Variants in MYG1 observed in about 807,000 individuals in gnomAD.
MYG1 encodes the protein UPF0160 protein MYG1, mitochondrial.
A neutral mutation model predicts 43.5 loss-of-function variants in MYG1; 36 were observed. That is an observed-to-expected ratio of 0.83 (90% confidence interval 0.63 to 1.09). The LOEUF (loss-of-function observed/expected upper bound fraction) is 1.09. Among genes scored for constraint, MYG1 ranks in the 50% least tolerant of loss-of-function variants. The pLI is 0.00. For missense variants in MYG1, 529 were observed against 495.1 expected, an observed-to-expected ratio of 1.07 and a Z score of -0.65; for synonymous variants, 220 against 202.8, an observed-to-expected ratio of 1.08 and a Z score of -0.72.
In MYG1 at chr12:53,306,686, C is replaced by G. The variant is rs752835297; in HGVS notation, c.772C>G (p.Pro258Ala). 6.2e-7 allele frequency: 1 copy of G among 1,612,494 alleles called. No homozygotes were observed. The highest frequency in any genetic ancestry group is 8.5e-7 in the Non-Finnish European group (1 of 1,179,176). ...TATGCTCTCCCTCTTTCAGGTGGACCCAAGTGGAGAGATTGTGGAACTGGC... is the reference window on the plus strand; with the variant it reads ...TATGCTCTCCCTCTTTCAGGTGGACGCAAGTGGAGAGATTGTGGAACTGGC... ...EALAQRFQVD[P>A]SGEIVELAKG... Residue 258 changes from proline (P) to alanine (A), a missense_variant, in exon 6 of 7, where the codon CCA (proline) becomes GCA (alanine). Coordinates refer to ENST00000267103, the MANE Select transcript of MYG1 (RefSeq NM_021640.4).
rs139121033 is a variant in MYG1, at chr12:53,306,803, C to T, written c.889C>T (p.Gln297Ter). The T allele has an allele frequency of 1.7e-5, 28 of 1,614,198 alleles. No homozygotes were observed. The Admixed American group carries it at 3.7e-4, about 21-fold the overall frequency. Residue 297 changes from glutamine (Q) to a stop codon, truncating the protein, a stop_gained, in exon 6 of 7, where the codon CAG (glutamine) becomes TAG (stop). Coordinates refer to ENST00000267103, the MANE Select transcript of MYG1 (RefSeq NM_021640.4). LOFTEE classifies it high-confidence loss of function. ...VAIFFVIYTD[Q>*]AGQWRIQCVP... ...CATCTTCTTTGTTATCTACACTGAC[C>T]AGGCTGGACAGTGGCGAATACAGTG... is the stretch of plus-strand genomic sequence containing the variant.
At position 53,299,969 on chromosome 12, in the gene MYG1, AG is replaced by A; in HGVS notation, c.216+17del. 1 of 1,613,850 alleles carries A rather than the reference AG, an allele frequency of 6.2e-7. No individual in the cohort carries two copies. Among genetic ancestry groups the A allele is most frequent in the East Asian group, 2.2e-5 (1 of 44,864 alleles). On this transcript the variant is annotated intron_variant, in intron 1 of 6. Transcript: ENST00000267103. Reference sequence around the variant, plus strand: ...GGAGTACCGGGTACGGTCCGCGAAAAGTGACCCTGGGACTGCGTGCATGCAT... The same window carrying A: ...GGAGTACCGGGTACGGTCCGCGAAAATGACCCTGGGACTGCGTGCATGCAT...
At chr12:53,305,535 A>G (rs971447009) in intron 3 of MYG1, among the ~76,000 whole-genome samples, 1 of 151,468 alleles carries the variant, frequency 6.6e-6, no homozygotes. Context: ...CTGAATACCT[A>G]CTCACCCCAC....
In MYG1 at chr12:53,306,799, T is replaced by G; in HGVS notation, c.885T>G (p.Thr295=). 6.2e-7 allele frequency: 1 copy of G among 1,614,224 alleles called. No individual in the cohort carries two copies. Among genetic ancestry groups the G allele is most frequent in the African/African-American group, 1.3e-5 (1 of 75,048 alleles). The part of the protein sequence containing the change: ...PPVAIFFVIY[T]DQAGQWRIQC... ...TGGCCATCTTCTTTGTTATCTACAC[T>G]GACCAGGCTGGACAGTGGCGAATAC... Residue 295 remains threonine, a synonymous_variant, in exon 6 of 7, where the codon ACT becomes ACG. Transcript: ENST00000267103.
chr12:53,306,113 GA>G, intron 4 of MYG1, 53 bp downstream of exon 4: 2 of 1,607,998 alleles, frequency 1.2e-6, no homozygotes, highest in South Asian at 1.1e-5. Context: ...TGGGTGGGGG[GA>G]AAATGGGAGC....
chr12:53,303,020 C>T lies in MYG1; in HGVS notation c.330-14C>T. ...AGGTCCCTCACCTCAGCCCCACCTCCCTATGCTCCTCAGGTCTTTCACAGA... is the reference window on the plus strand; with the variant it reads ...AGGTCCCTCACCTCAGCCCCACCTCTCTATGCTCCTCAGGTCTTTCACAGA... On this transcript the variant is annotated splice_polypyrimidine_tract_variant and intron_variant, in intron 2 of 6. Coordinates refer to ENST00000267103, the MANE Select transcript of MYG1 (RefSeq NM_021640.4). 6.3e-7 allele frequency: 1 copy of T among 1,597,366 alleles called. No homozygotes were observed. Among genetic ancestry groups the T allele is most frequent in the Non-Finnish European group, 8.6e-7 (1 of 1,169,152 alleles).
chr12:53,299,797 T>C lies in MYG1; in HGVS notation c.60T>C (p.Tyr20=), dbSNP rs1944208700. The stretch of plus-strand genomic sequence containing the variant: ...TGCTGCTGCCGCCGCCACCCCTGTA[T>C]ACCCGGCACCGCATGCTCGGTCCAG... ...LTLLLPPPPL[Y]TRHRMLGPES... Residue 20 remains tyrosine, a synonymous_variant, in exon 1 of 7, where the codon TAT becomes TAC. Transcript: ENST00000267103. 2 of 1,614,058 alleles carry C rather than the reference T, an allele frequency of 1.2e-6. No individual in the cohort carries two copies. The highest frequency in any genetic ancestry group is 1.1e-5 in the South Asian group (1 of 91,078).
At chr12:53,301,073 C>G (rs1028832395) in intron 2 of MYG1, among the ~76,000 whole-genome samples, 2 of 152,066 alleles carry the variant, frequency 1.3e-5, no homozygotes, top group Admixed American at 6.5e-5. Context: ...GCACCCACCA[C>G]CACACCCGGC....
At position 53,299,934 on chromosome 12, in the gene MYG1, G is replaced by A; in HGVS notation, c.197G>A (p.Arg66His). The change falls in exon 1 of 7, where the codon CGC (arginine) becomes CAC (histidine). Residue 66 changes from arginine (R) to histidine (H), a missense_variant. Physicochemically the swap from Arg to His is conservative, Grantham distance 29. Transcript: ENST00000267103. ...CDEALACALL[R>H]LLPEYRDAEI... ...GAGGCACTGGCATGCGCACTGCTTCGCCTCCTGCCGGAGTACCGGGTACGG... is the reference window on the plus strand; with the variant it reads ...GAGGCACTGGCATGCGCACTGCTTCACCTCCTGCCGGAGTACCGGGTACGG... 1 of 1,614,170 alleles carries A rather than the reference G, an allele frequency of 6.2e-7. No homozygotes were observed. The highest frequency in any genetic ancestry group is 8.5e-7 in the Non-Finnish European group (1 of 1,180,026).
Position 53,305,947 on chromosome 12 carries a change from A to G in MYG1, c.529A>G (p.Asn177Asp). Residue 177 changes from asparagine to aspartate, a missense_variant, in exon 4 of 7, where the codon AAT becomes GAT. By Grantham distance (23) the Asn-to-Asp change is conservative (BLOSUM62 1). Transcript: ENST00000267103. Reference sequence around the variant, plus strand: ...TGTGGAGGAGGTGGATGCTGTGGACAATGGGATCTCCCAGTGGGCAGAGGG... The same window carrying G: ...TGTGGAGGAGGTGGATGCTGTGGACGATGGGATCTCCCAGTGGGCAGAGGG... Reference protein sequence around the residue: ...NFVEEVDAVDNGISQWAEGEP... With the variant: ...NFVEEVDAVDDGISQWAEGEP... 1 of 1,613,154 alleles carries G rather than the reference A, an allele frequency of 6.2e-7. No individual in the cohort carries two copies. The highest frequency in any genetic ancestry group is 8.5e-7 in the Non-Finnish European group (1 of 1,179,600).
chr12:53,304,861 GT>G (rs71068106), intron 3 of MYG1, among the ~76,000 whole-genome samples: 15 of 78,212 alleles, frequency 1.9e-4, no homozygotes, highest in African/African-American at 3.8e-4. Flanking sequence ...CTAAACCCAT[GT>G]TTTTTTTTTT....
chr12:53,306,060 G>A lies in MYG1; in HGVS notation c.642G>A (p.Glu214=). ...PTWNHPDQDT[E]AGFKRAMDLV... ...GGAACCACCCCGACCAAGACACTGA[G>A]GTAAGGTGGCCTGGGAGGAGACCCG... The change falls in exon 4 of 7, where the codon GAG becomes GAA. Residue 214 remains glutamate, a splice_region_variant and synonymous_variant. Coordinates refer to ENST00000267103, the MANE Select transcript of MYG1 (RefSeq NM_021640.4). 1 of 1,612,424 alleles carries A rather than the reference G, an allele frequency of 6.2e-7. No individual in the cohort carries two copies. The highest frequency in any genetic ancestry group is 2.2e-5 in the East Asian group (1 of 44,882).
chr12:53,306,457 C>A, intron 5 of MYG1, 137 bp downstream of exon 5: 1 of 1,312,570 alleles, frequency 7.6e-7, no homozygotes, highest in Non-Finnish European at 1.0e-6. Flanking sequence ...AGTCCTCCCA[C>A]CTCAGCCTCC....
intron 2 of MYG1, 57 bp downstream of exon 2, chr12:53,300,319 C>A: frequency 7.6e-7 from 1 of 1,309,364 alleles, no homozygotes; most frequent in South Asian, 1.5e-5. Flanking sequence ...CCTCTGTGCT[C>A]CAATTCAGCC....
At chr12:53,304,661 C>T (rs1305690117) in intron 3 of MYG1, among the ~76,000 whole-genome samples, 3 of 152,052 alleles carry the variant, frequency 2.0e-5, no homozygotes, top group Non-Finnish European at 1.5e-5. Context: ...GCCATCATGG[C>T]TTGCTGCTGC....
chr12:53,302,443 C>T (rs1016878076), intron 2 of MYG1, among the ~76,000 whole-genome samples: 14 of 152,188 alleles, frequency 9.2e-5, no homozygotes, highest in African/African-American at 2.9e-4. Flanking sequence ...AAATTCTTGC[C>T]TTCTTTATTC....
At chr12:53,300,344 TCCG>T in intron 2 of MYG1, 82 bp downstream of exon 2, 1 of 1,062,750 alleles carries the variant, frequency 9.4e-7, no homozygotes, top group East Asian at 2.6e-5. Flanking sequence ...ACTGCCGTAG[TCCG>T]CGTCAGCGAA....
At position 53,305,481 on chromosome 12, in the gene MYG1, G is replaced by C. The variant is rs555755043; in HGVS notation, c.490-427G>C. Among the ~76,000 whole-genome samples the C allele has an allele frequency of 3.9e-5, 6 of 152,162 alleles. No homozygotes were observed. In the South Asian group the frequency reaches 1.2e-3, roughly 32 times the overall value. On this transcript the variant is annotated intron_variant, in intron 3 of 6. Transcript: ENST00000267103. ...ACACTCATTTTCTCCCACTTGACTT[G>C]TGTTCTCAACCAGAGCCGCTCCTGC...
intron 3 of MYG1, among the ~76,000 whole-genome samples, chr12:53,305,029 C>T (rs964672463): frequency 2.7e-4 from 41 of 151,784 alleles, no homozygotes; most frequent in Admixed American, 1.9e-3. Context: ...CCACTACGCC[C>T]GGCTAATTTT....
Sources: allele counts gnomAD v4.1 joint callset (sites outside exome capture counted in the v4.1 genomes callset), GRCh38; gene constraint gnomAD v4.1.1; transcripts MANE v1.5; gene names NCBI Gene and HGNC (gene_info 2026-07-23, HGNC 2026-07-21).